The following ZC3H11A variants were observed in gnomAD, a reference collection of about 807,000 sequenced individuals.
ZC3H11A encodes the protein zinc finger CCCH-type containing 11A, also known as zinc finger CCCH domain-containing protein 11A.
Under a neutral mutation model 90.8 loss-of-function variants are expected in ZC3H11A, and 22 were observed. That is an observed-to-expected ratio of 0.24 (90% CI 0.17 to 0.35). The LOEUF (loss-of-function observed/expected upper bound fraction) is 0.35, where lower values mean the gene tolerates loss of function less well. ZC3H11A is among the 10% of genes least tolerant of loss of function. The pLI is 1.00. For missense variants in ZC3H11A, 701 were observed against 964.9 expected, an observed-to-expected ratio of 0.73 and a Z score of 3.62; for synonymous variants, 294 against 339.8, an observed-to-expected ratio of 0.87 and a Z score of 1.48.
chr1:203,821,312 CT>C (rs935359377), intron 4 of ZC3H11A, among the ~76,000 whole-genome samples: 54 of 149,254 alleles, frequency 3.6e-4, no homozygotes, highest in South Asian at 2.4e-3. Context: ...TTAGTTAAAC[CT>C]TTTTTTTTTA....
chr1:203,819,326 A>G (rs1167237372), intron 4 of ZC3H11A, among the ~76,000 whole-genome samples: 11 of 143,396 alleles, frequency 7.7e-5, no homozygotes, highest in South Asian at 4.5e-4. Flanking sequence ...GGTTCAAGCG[A>G]TTCTCCTGCC....
chr1:203,813,857 A>G (rs1483223631), intron 2 of ZC3H11A, among the ~76,000 whole-genome samples: 1 of 151,876 alleles, frequency 6.6e-6, no homozygotes, highest in African/African-American at 2.4e-5. Flanking sequence ...TGTCTCTTTC[A>G]TTTTAAGCTG....
At chr1:203,821,774 T>C (rs74987241) in intron 4 of ZC3H11A, among the ~76,000 whole-genome samples, 44 of 152,152 alleles carry the variant, frequency 2.9e-4, no homozygotes, top group Non-Finnish European at 4.9e-4. Flanking sequence ...TTTTTTTTTT[T>C]TGAGACGGAG....
chr1:203,815,216 C>CTTTTTTTTTTTTT (rs59254922), intron 2 of ZC3H11A, among the ~76,000 whole-genome samples: 22 of 97,150 alleles, frequency 2.3e-4, no homozygotes, highest in South Asian at 7.0e-4. Context: ...CTTTTCTTTT[C>CTTTTTTTTTTTTT]TTTTTTTTTT....
rs187906146 is a variant in ZC3H11A, at chr1:203,823,627, A to G, written c.175-4672A>G. ...CCAAGAGCAAGCCTTGCAAGCAGGCATTTCTAAGGACAGTAGTCTAAGAGC... is the reference window on the plus strand; with the variant it reads ...CCAAGAGCAAGCCTTGCAAGCAGGCGTTTCTAAGGACAGTAGTCTAAGAGC... On this transcript the variant is annotated intron_variant, in intron 4 of 17. Transcript: ENST00000367210. Among the ~76,000 whole-genome samples, 12 of 152,348 alleles carry G rather than the reference A, an allele frequency of 7.9e-5. 1 individual carries two copies. Among genetic ancestry groups the G allele is most frequent in the Admixed American group, 7.8e-4 (12 of 15,300 alleles).
chr1:203,800,498 C>T (rs1558089876), intron 1 of ZC3H11A: 4 of 1,449,128 alleles, frequency 2.8e-6, no homozygotes, highest in Non-Finnish European at 2.7e-6. Flanking sequence ...CAACTTTTTG[C>T]TGTGTTACTG....
In ZC3H11A at chr1:203,817,064, A is replaced by T. The variant is rs933042642; in HGVS notation, c.-7A>T. On this transcript the variant is annotated 5_prime_UTR_variant, in exon 3 of 18. Coordinates refer to ENST00000367210, the MANE Select transcript of ZC3H11A (RefSeq NM_001376342.1). Reference sequence around the variant, plus strand: ...GAAGCCACTTCTGATCTAAGAATCTACCCAGCATGCCTAATCAAGGAGAAG... The same window carrying T: ...GAAGCCACTTCTGATCTAAGAATCTTCCCAGCATGCCTAATCAAGGAGAAG... 6.2e-7 allele frequency: 1 copy of T among 1,605,238 alleles called. No individual in the cohort carries two copies. The highest frequency in any genetic ancestry group is 1.3e-5 in the African/African-American group (1 of 74,640).
chr1:203,828,217 A>C lies in ZC3H11A; in HGVS notation c.175-82A>C, dbSNP rs991863180. On this transcript the variant is annotated intron_variant, in intron 4 of 17. Transcript: ENST00000367210. ...GCCTCGGATTTTTGAACCCTGTATGAACTTTGTCTAGAAAACAAACTGCCA... is the reference window on the plus strand; with the variant it reads ...GCCTCGGATTTTTGAACCCTGTATGCACTTTGTCTAGAAAACAAACTGCCA... The C allele has an allele frequency of 9.7e-6, 15 of 1,551,972 alleles. No homozygotes were observed. The African/African-American group carries it at 1.9e-4, about 20-fold the overall frequency.
intron 2 of ZC3H11A, among the ~76,000 whole-genome samples, chr1:203,803,479 C>T (rs1671151409): frequency 6.6e-6 from 1 of 152,236 alleles, no homozygotes; most frequent in Non-Finnish European, 1.5e-5. Context: ...GCATGAGCCA[C>T]CGCCTCTGGC....
chr1:203,796,289 C>T, intron 1 of ZC3H11A: 4 of 397,246 alleles, frequency 1.0e-5, no homozygotes, highest in Non-Finnish European at 4.4e-6. Flanking sequence ...TCATTCCTCT[C>T]CAGGGTCCCG....
rs184515461 is a variant in ZC3H11A at position 203,842,006 on chromosome 1, G to C, written c.1042+1632G>C. ...GGGCTCCTCACATCCCAGACGGGGC[G>C]GCAGGGCAGAGGCGCTCCCCACATC... On this transcript the variant is annotated intron_variant, in intron 12 of 17. Transcript: ENST00000367210. 1.7e-3 allele frequency among the ~76,000 whole-genome samples: 251 copies of C among 151,856 alleles called. 5 individuals carry two copies. In the East Asian group the frequency reaches 0.044, roughly 26 times the overall value.
intron 17 of ZC3H11A, 43 bp from the exon 18 acceptor site, chr1:203,852,098 T>G: frequency 1.2e-6 from 2 of 1,611,406 alleles, no homozygotes; most frequent in Non-Finnish European, 1.7e-6. Flanking sequence ...CAGCCAACTA[T>G]TTTTAAAACG....
At chr1:203,806,757 T>TCC (rs1187091206) in intron 2 of ZC3H11A, among the ~76,000 whole-genome samples, 1 of 152,068 alleles carries the variant, frequency 6.6e-6, no homozygotes, top group African/African-American at 2.4e-5. Flanking sequence ...TTCTGGTGAT[T>TCC]ATGTGCATTT....
intron 1 of ZC3H11A, chr1:203,798,299 TC>T: frequency 6.5e-7 from 1 of 1,536,048 alleles, no homozygotes. Context: ...ATGCTTTAAT[TC>T]CTGGAACTAG....
chr1:203,816,233 C>A (rs532747289), intron 2 of ZC3H11A, among the ~76,000 whole-genome samples: 67 of 152,188 alleles, frequency 4.4e-4, no homozygotes, highest in South Asian at 2.9e-3. Flanking sequence ...GTGTTAGTAA[C>A]CTAAGTCCCA....
intron 2 of ZC3H11A, chr1:203,805,601 T>G (rs374791970): frequency 4.7e-6 from 3 of 636,944 alleles, no homozygotes; most frequent in East Asian, 4.1e-5. Flanking sequence ...TTTTACATGA[T>G]GTACTTAAAT....
At chr1:203,807,039 GTTAT>G (rs1672647674) in intron 2 of ZC3H11A, among the ~76,000 whole-genome samples, 1 of 151,612 alleles carries the variant, frequency 6.6e-6, no homozygotes, top group African/African-American at 2.4e-5. Context: ...ATTATGTAGT[GTTAT>G]TTATTTTATT....
At chr1:203,820,237 GAAAA>G (rs542435423) in intron 4 of ZC3H11A, among the ~76,000 whole-genome samples, 2 of 103,004 alleles carry the variant, frequency 1.9e-5, no homozygotes, top group East Asian at 2.7e-4. Flanking sequence ...TCCATCTCAA[GAAAA>G]AAAAAAAAAA....
At chr1:203,835,123 A>G (rs1427848748) in intron 10 of ZC3H11A, among the ~76,000 whole-genome samples, 1 of 152,236 alleles carries the variant, frequency 6.6e-6, no homozygotes, top group Non-Finnish European at 1.5e-5. Context: ...ACAGTGAGAG[A>G]TGGGAATGTA....
Sources: gnomAD v4.1 joint callset for allele counts (sites outside exome capture counted in the v4.1 genomes callset) on GRCh38, gnomAD v4.1.1 for gene constraint, MANE v1.5 for transcripts, NCBI Gene and HGNC (gene_info 2026-07-23, HGNC 2026-07-21) for gene names.